Variants in INPP4B observed in about 807,000 individuals in gnomAD.
INPP4B encodes the protein inositol polyphosphate-4-phosphatase type II B.
A neutral mutation model predicts 122.5 loss-of-function variants in INPP4B; 55 were observed. The observed-to-expected ratio is 0.45, with a 90% CI of 0.36 to 0.56. The LOEUF is 0.56. INPP4B is among the 20% of genes least tolerant of loss of function. The pLI is 0.00. For missense variants in INPP4B, 1,000 were observed against 1,097.7 expected, an observed-to-expected ratio of 0.91 and a Z score of 1.26; for synonymous variants, 403 against 388.7, an observed-to-expected ratio of 1.04 and a Z score of -0.43.
chr4:142,278,552 T>C (rs997151849), intron 9 of INPP4B, among the ~76,000 whole-genome samples: 5 of 151,902 alleles, frequency 3.3e-5, no homozygotes, highest in African/African-American at 1.2e-4. Flanking sequence ...GGCAAAAAGT[T>C]ACCTCTCTGA....
At chr4:142,500,162 G>A (rs1036122502) in intron 2 of INPP4B, among the ~76,000 whole-genome samples, 2 of 152,144 alleles carry the variant, frequency 1.3e-5, no homozygotes, top group African/African-American at 4.8e-5. Context: ...GGAAGAGCTT[G>A]GCAAAATTCT....
At position 142,284,968 on chromosome 4, in the gene INPP4B, G is replaced by A. The variant is rs115220016; in HGVS notation, c.504-14194C>T. Among the ~76,000 whole-genome samples, 699 of 152,176 alleles carry A rather than the reference G, an allele frequency of 4.6e-3. 6 individuals are homozygous for A. The highest frequency in any genetic ancestry group is 0.016 in the African/African-American group (660 of 41,520). ...GGATAGCGGGGCACAGGAGTTGAGG[G>A]TATATGCGAGGGAATCGTTTTGTGA... On this transcript the variant is annotated intron_variant, in intron 9 of 25. Coordinates refer to ENST00000262992, the MANE Select transcript of INPP4B (RefSeq NM_001101669.3).
chr4:142,767,990 A>T (rs1431827821), intron 1 of INPP4B: 4 of 152,186 alleles, frequency 2.6e-5, no homozygotes, highest in African/African-American at 9.6e-5. Flanking sequence ...ACTCAGCACA[A>T]GTCTGAGCTC....
chr4:142,359,523 C>A (rs1458884533), intron 7 of INPP4B, among the ~76,000 whole-genome samples: 1 of 151,974 alleles, frequency 6.6e-6, no homozygotes, highest in Non-Finnish European at 1.5e-5. Flanking sequence ...TAAACCTCGT[C>A]CCATTTTTAC....
At chr4:142,332,334 C>T (rs1254616221) in intron 7 of INPP4B, among the ~76,000 whole-genome samples, 1 of 151,994 alleles carries the variant, frequency 6.6e-6, no homozygotes. Context: ...GTAACTACAG[C>T]TAGACATTTA....
chr4:142,157,642 A>C (rs1186172110), intron 17 of INPP4B, among the ~76,000 whole-genome samples: 2 of 152,144 alleles, frequency 1.3e-5, no homozygotes, highest in Non-Finnish European at 2.9e-5. Flanking sequence ...ACAGCTTTTC[A>C]TCAACTGGAG....
At chr4:142,362,186 G>T (rs1785670706) in intron 7 of INPP4B, among the ~76,000 whole-genome samples, 1 of 152,052 alleles carries the variant, frequency 6.6e-6, no homozygotes, top group Non-Finnish European at 1.5e-5. Flanking sequence ...AGCCAACTCA[G>T]CTCAGCTGGA....
intron 2 of INPP4B, among the ~76,000 whole-genome samples, chr4:142,483,961 A>G (rs1223541571): frequency 6.6e-6 from 1 of 152,052 alleles, no homozygotes; most frequent in Non-Finnish European, 1.5e-5. Flanking sequence ...ACTGTTATGC[A>G]TCATGAGAGG....
intron 2 of INPP4B, among the ~76,000 whole-genome samples, chr4:142,527,320 A>T (rs984791971): frequency 6.6e-6 from 1 of 151,962 alleles, no homozygotes; most frequent in Non-Finnish European, 1.5e-5. Flanking sequence ...TTTTTATAGA[A>T]TTTATACAAA....
intron 9 of INPP4B, among the ~76,000 whole-genome samples, chr4:142,297,252 A>C (rs1422607850): frequency 1.3e-5 from 2 of 152,222 alleles, no homozygotes; most frequent in African/African-American, 4.8e-5. Flanking sequence ...TGCCAGAGTG[A>C]TTAAAGCCAG....
In INPP4B at chr4:142,296,168, G is replaced by A. The variant is rs557395173; in HGVS notation, c.503+9290C>T. ...TTTGTGTTGTCCCTTCAGTGACTGAGAACTCTAAACCAATTTGCAATCCGA... is the reference window on the plus strand; with the variant it reads ...TTTGTGTTGTCCCTTCAGTGACTGAAAACTCTAAACCAATTTGCAATCCGA... On this transcript the variant is annotated intron_variant, in intron 9 of 25. Coordinates refer to ENST00000262992, the MANE Select transcript of INPP4B (RefSeq NM_001101669.3). 3.7e-3 allele frequency among the ~76,000 whole-genome samples: 567 copies of A among 152,240 alleles called. 5 individuals carry two copies. Among genetic ancestry groups the A allele is most frequent in the Admixed American group, 7.5e-3 (115 of 15,286 alleles).
intron 3 of INPP4B, among the ~76,000 whole-genome samples, chr4:142,461,984 A>G (rs376073689): frequency 6.6e-6 from 1 of 152,022 alleles, no homozygotes; most frequent in African/African-American, 2.4e-5. Flanking sequence ...TTTTCATCTT[A>G]TTTTCAACCC....
chr4:142,710,417 C>A (rs1289134970), intron 2 of INPP4B, among the ~76,000 whole-genome samples: 1 of 152,100 alleles, frequency 6.6e-6, no homozygotes, highest in Non-Finnish European at 1.5e-5. Flanking sequence ...TTCCAAGAAG[C>A]AATCTTTTAT....
At chr4:142,547,165 A>G (rs1222330844) in intron 2 of INPP4B, among the ~76,000 whole-genome samples, 1 of 148,780 alleles carries the variant, frequency 6.7e-6, no homozygotes, top group Admixed American at 6.7e-5. Context: ...GGCAATGAGG[A>G]TGGTAAATAA....
intron 7 of INPP4B, among the ~76,000 whole-genome samples, chr4:142,395,428 T>A (rs6822835): frequency 0.52 from 79,800 of 152,066 alleles, 23,677 homozygotes; most frequent in South Asian, 0.78. Flanking sequence ...AGTTTTTGTT[T>A]AACTCATCAG....
chr4:142,836,858 A>G (rs1782847787), intron 1 of INPP4B, among the ~76,000 whole-genome samples: 1 of 152,118 alleles, frequency 6.6e-6, no homozygotes, highest in Non-Finnish European at 1.5e-5. Context: ...CTAATATGTA[A>G]AGGACATTTA....
At chr4:142,467,710 T>G (rs1314403659) in intron 2 of INPP4B, among the ~76,000 whole-genome samples, 1 of 152,034 alleles carries the variant, frequency 6.6e-6, no homozygotes, top group African/African-American at 2.4e-5. Flanking sequence ...AGACATGAGA[T>G]TTCGGGGTCC....
At chr4:142,659,243 CAA>C (rs34481460) in intron 2 of INPP4B, among the ~76,000 whole-genome samples, 1,872 of 146,350 alleles carry the variant, frequency 0.013, 31 homozygotes, top group African/African-American at 0.033. Flanking sequence ...ACTAAAAATA[CAA>C]AAAAAAAAAA....
chr4:142,694,875 T>C (rs1007291343), intron 2 of INPP4B, among the ~76,000 whole-genome samples: 14 of 151,920 alleles, frequency 9.2e-5, no homozygotes, highest in Non-Finnish European at 1.8e-4. Context: ...AACTAAAAAG[T>C]CCCTCAGAAA....
Sources: allele counts gnomAD v4.1 joint callset (sites outside exome capture counted in the v4.1 genomes callset), GRCh38; gene constraint gnomAD v4.1.1; transcripts MANE v1.5; gene names NCBI Gene and HGNC (gene_info 2026-07-23, HGNC 2026-07-21).